GTF2F2: variants seen among roughly 807,000 people sequenced by gnomAD.
GTF2F2 encodes ATP-dependent helicase GTF2F2.
GTF2F2 carries 23 observed loss-of-function variants against 42.2 expected under a neutral mutation model. That is an observed-to-expected ratio of 0.55 (90% confidence interval 0.39 to 0.77). The LOEUF (loss-of-function observed/expected upper bound fraction) is 0.77. Ranked by LOEUF, GTF2F2 falls within the 30% of genes least tolerant of loss-of-function variation. The pLI is 0.00. For missense variants in GTF2F2, 261 were observed against 287.2 expected, an observed-to-expected ratio of 0.91 and a Z score of 0.66; for synonymous variants, 105 against 100.8, an observed-to-expected ratio of 1.04 and a Z score of -0.25.
At chr13:45,130,104 T>C (rs1236629956) in intron 1 of GTF2F2, among the ~76,000 whole-genome samples, 2 of 152,244 alleles carry the variant, frequency 1.3e-5, no homozygotes, top group Non-Finnish European at 2.9e-5. Flanking sequence ...CTGGGTCACC[T>C]AAGACATTAT....
At chr13:45,192,151 T>C (rs185248170) in intron 4 of GTF2F2, among the ~76,000 whole-genome samples, 13 of 152,258 alleles carry the variant, frequency 8.5e-5, no homozygotes, top group African/African-American at 2.9e-4. Flanking sequence ...GTTTTTATAG[T>C]TTTGTTCAGT....
chr13:45,209,426 T>TAA (rs1873545718), intron 5 of GTF2F2, among the ~76,000 whole-genome samples: 1 of 152,220 alleles, frequency 6.6e-6, no homozygotes, highest in Non-Finnish European at 1.5e-5. Context: ...CATGCATGAC[T>TAA]GTATTTTAAT....
chr13:45,229,179 G>A lies in GTF2F2; in HGVS notation c.386+21674G>A, dbSNP rs565688856. ...ATTACAGGAATGAGCCACCGCACCT[G>A]GCTCTTCCCTTCCCCTCCACTCCCC... is the stretch of plus-strand genomic sequence containing the variant. On this transcript the variant is annotated intron_variant, in intron 5 of 7. Transcript: ENST00000340473. 2.0e-5 allele frequency among the ~76,000 whole-genome samples: 3 copies of A among 152,192 alleles called. No individual in the cohort carries two copies. In the East Asian group the frequency reaches 5.8e-4, roughly 30 times the overall value.
chr13:45,167,693 C>T (rs746587089), intron 4 of GTF2F2, among the ~76,000 whole-genome samples: 5 of 152,094 alleles, frequency 3.3e-5, no homozygotes, highest in Admixed American at 6.5e-5. Flanking sequence ...GCCACCGTGC[C>T]CGGCCCCCCA....
chr13:45,150,995 T>G (rs1183452331), intron 3 of GTF2F2, among the ~76,000 whole-genome samples: 5 of 152,190 alleles, frequency 3.3e-5, no homozygotes, highest in Admixed American at 2.0e-4. Flanking sequence ...TTTTATTTTA[T>G]TTCAGGGGTA....
In GTF2F2 at chr13:45,266,329, G is replaced by A. The variant is rs549392564; in HGVS notation, c.487-904G>A. 8.1e-4 allele frequency among the ~76,000 whole-genome samples: 124 copies of A among 152,298 alleles called. 1 individual carries two copies. The South Asian group carries it at 0.025, about 31-fold the overall frequency. ...GGTTTGCTTGTGTCTGAGATGATAA[G>A]TATATAATTACCCCTTTCTCTTGTT... On this transcript the variant is annotated intron_variant, in intron 6 of 7. Coordinates refer to ENST00000340473, the MANE Select transcript of GTF2F2 (RefSeq NM_004128.3).
intron 4 of GTF2F2, among the ~76,000 whole-genome samples, chr13:45,157,751 T>G (rs1870832829): frequency 6.6e-6 from 1 of 152,020 alleles, no homozygotes; most frequent in South Asian, 2.1e-4. Flanking sequence ...TTTTTATTTT[T>G]TTGTTTTTTT....
intron 2 of GTF2F2, among the ~76,000 whole-genome samples, chr13:45,147,098 T>C (rs1870232514): frequency 1.3e-5 from 2 of 152,204 alleles, no homozygotes; most frequent in African/African-American, 4.8e-5. Flanking sequence ...AAAATGAAAT[T>C]GTCCTCTCCT....
rs764757723 is a variant in GTF2F2, at chr13:45,193,845, G to T, written c.305-13579G>T. ...CAATTGACCCTTTGGAACAATCCAG[G>T]CTGGTCAGCAGTCTAAAGCCACACT... On this transcript the variant is annotated intron_variant, in intron 4 of 7. Transcript: ENST00000340473. 3.1e-6 allele frequency: 5 copies of T among 1,613,646 alleles called. No homozygotes were observed. In the African/African-American group the frequency reaches 5.3e-5, roughly 17 times the overall value.
At position 45,284,365 on chromosome 13, in the gene GTF2F2, C is replaced by T. The variant is rs1301990218; in HGVS notation, c.*804C>T. 1.3e-5 allele frequency: 2 copies of T among 152,018 alleles called. No individual in the cohort carries two copies. The highest frequency in any genetic ancestry group is 2.4e-5 in the African/African-American group (1 of 41,396). The allele number at this position is 152,018 out of a possible 1,614,324, so 9.4% of individuals were successfully genotyped here. ...TGATATCAGCAAATCAAAAGATGGG[C>T]GTAGGGGTCCAGCCGAGACAGAAAA... On this transcript the variant is annotated 3_prime_UTR_variant, in exon 8 of 8. Coordinates refer to ENST00000340473, the MANE Select transcript of GTF2F2 (RefSeq NM_004128.3).
intron 4 of GTF2F2, among the ~76,000 whole-genome samples, chr13:45,188,635 T>G (rs1872516994): frequency 6.6e-6 from 1 of 152,212 alleles, no homozygotes; most frequent in Non-Finnish European, 1.5e-5. Flanking sequence ...ATTATCCTTA[T>G]TTTACTGTGA....
chr13:45,252,543 T>C (rs1875921931), intron 5 of GTF2F2, among the ~76,000 whole-genome samples: 1 of 152,220 alleles, frequency 6.6e-6, no homozygotes, highest in African/African-American at 2.4e-5. Context: ...TTTAAGATGA[T>C]TTATTTTTAC....
chr13:45,212,616 A>T (rs1873735684), intron 5 of GTF2F2, among the ~76,000 whole-genome samples: 1 of 144,212 alleles, frequency 6.9e-6, no homozygotes, highest in Non-Finnish European at 1.5e-5. Flanking sequence ...CCCAGGCTTA[A>T]GTGCAGTGGA....
At chr13:45,212,948 G>T (rs1231258172) in intron 5 of GTF2F2, among the ~76,000 whole-genome samples, 1 of 151,428 alleles carries the variant, frequency 6.6e-6, no homozygotes, top group African/African-American at 2.4e-5. Flanking sequence ...CACCTTTTTG[G>T]CCAGGCTGGT....
intron 4 of GTF2F2, among the ~76,000 whole-genome samples, chr13:45,164,171 T>G (rs1204744181): frequency 6.6e-6 from 1 of 152,018 alleles, no homozygotes; most frequent in Admixed American, 6.5e-5. Context: ...TCTCAGCTAC[T>G]TGGGAGGCTG....
In GTF2F2 at chr13:45,185,894, C is replaced by T. The variant is rs74373528; in HGVS notation, c.305-21530C>T. Among the ~76,000 whole-genome samples the T allele has an allele frequency of 8.6e-5, 13 of 151,668 alleles. No individual in the cohort carries two copies. The East Asian group carries it at 2.3e-3, about 27-fold the overall frequency. Reference sequence around the variant, plus strand: ...ATGGATTTCTCTTAAAATATCTTTGCGTAGATAGAAAAAAATATGTAAAAA... The same window carrying T: ...ATGGATTTCTCTTAAAATATCTTTGTGTAGATAGAAAAAAATATGTAAAAA... On this transcript the variant is annotated intron_variant, in intron 4 of 7. Coordinates refer to ENST00000340473, the MANE Select transcript of GTF2F2 (RefSeq NM_004128.3).
At chr13:45,222,236 A>G (rs183607533) in intron 5 of GTF2F2, among the ~76,000 whole-genome samples, 1 of 152,198 alleles carries the variant, frequency 6.6e-6, no homozygotes, top group Non-Finnish European at 1.5e-5. Flanking sequence ...AATGTTTATC[A>G]TAACCTTTTT....
chr13:45,266,290 A>T (rs1876556732), intron 6 of GTF2F2, among the ~76,000 whole-genome samples: 1 of 152,220 alleles, frequency 6.6e-6, no homozygotes, highest in East Asian at 1.9e-4. Flanking sequence ...TTTAAATGGG[A>T]ATTTCAGAAA....
chr13:45,151,483 C>T (rs1393527967), intron 3 of GTF2F2, among the ~76,000 whole-genome samples: 1 of 152,108 alleles, frequency 6.6e-6, no homozygotes, highest in African/African-American at 2.4e-5. Flanking sequence ...CTCAGCCTCC[C>T]AAGTAGCGGG....
Sources: allele counts gnomAD v4.1 joint callset (sites outside exome capture counted in the v4.1 genomes callset), GRCh38; gene constraint gnomAD v4.1.1; transcripts MANE v1.5; gene names NCBI Gene and HGNC (gene_info 2026-07-23, HGNC 2026-07-21).